Variants in MGAM observed in about 807,000 individuals in gnomAD.
MGAM encodes maltase-glucoamylase, also known as alpha-1,4-glucosidase.
Under a neutral mutation model 358.8 loss-of-function variants are expected in MGAM, and 253 were observed. That is an observed-to-expected ratio of 0.71 (90% confidence interval 0.64 to 0.78). The LOEUF (loss-of-function observed/expected upper bound fraction) is 0.78. Ranked by LOEUF, MGAM falls within the 30% of genes least tolerant of loss-of-function variation. The pLI is 0.00. For missense variants in MGAM, 3,080 were observed against 3,432.6 expected, an observed-to-expected ratio of 0.90 and a Z score of 2.57; for synonymous variants, 1,105 against 1,227.1, an observed-to-expected ratio of 0.90 and a Z score of 2.08.
At chr7:142,076,306 C>T in intron 46 of MGAM, 54 bp downstream of exon 46, 1 of 1,373,146 alleles carries the variant, frequency 7.3e-7, no homozygotes, top group East Asian at 2.3e-5. Flanking sequence ...TGACCATTAG[C>T]ACATCTGTGC....
At chr7:141,993,095 G>GTC (rs1192328986), upstream of MGAM, among the ~76,000 whole-genome samples, 1 of 152,198 alleles carries the variant, frequency 6.6e-6, no homozygotes, top group Non-Finnish European at 1.5e-5. Context: ...TTGATTATCT[G>GTC]TCTATGTCTA....
chr7:142,097,345 A>G (rs1816013987), intron 65 of MGAM, among the ~76,000 whole-genome samples: 1 of 20,284 alleles, frequency 4.9e-5, no homozygotes, highest in South Asian at 2.7e-3. Flanking sequence ...GCAAATAGTG[A>G]ATTTTTTTTT....
At position 142,044,176 on chromosome 7, in the gene MGAM, T is replaced by C. The variant is rs1156365579; in HGVS notation, c.2498+3330T>C. On this transcript the variant is annotated intron_variant, in intron 21 of 70. Coordinates refer to ENST00000475668, the MANE Select transcript of MGAM (RefSeq NM_001365693.1). Reference sequence around the variant, plus strand: ...TACGACGTATAATATATACATTATATACACATACGACATATAATATATAAT... The same window carrying C: ...TACGACGTATAATATATACATTATACACACATACGACATATAATATATAAT... Among the ~76,000 whole-genome samples the C allele has an allele frequency of 2.8e-5, 4 of 142,586 alleles. 1 individual carries two copies. Among genetic ancestry groups the C allele is most frequent in the Non-Finnish European group, 6.1e-5 (4 of 65,472 alleles). 93.5% of individuals were successfully genotyped at this position (142,586 alleles called of 152,430 possible). A position where few individuals can be genotyped will look rare whatever the true frequency, so the allele number is the denominator to read the frequency against.
chr7:142,048,198 G>T (rs1810580688), intron 22 of MGAM, among the ~76,000 whole-genome samples: 1 of 151,120 alleles, frequency 6.6e-6, no homozygotes, highest in Admixed American at 6.6e-5. Flanking sequence ...TGTTGCCCAG[G>T]CTGGAGTGCA....
At position 142,052,923 on chromosome 7, in the gene MGAM, C is replaced by T. The variant is rs560292735; in HGVS notation, c.3098C>T (p.Thr1033Ile). The T allele has an allele frequency of 2.5e-6, 4 of 1,613,914 alleles. No homozygotes were observed. In the South Asian group the frequency reaches 3.3e-5, roughly 13 times the overall value. ...SSVYANAFPSTPVNPLRLDVT... is the reference protein window; with the variant it reads ...SSVYANAFPSIPVNPLRLDVT... ...GTTTATGCCAATGCCTTCCCCTCCA[C>T]ACCCGTGAACCCCCTTCGCCTGGAT... The change falls in exon 26 of 71, where the codon ACA (threonine) becomes ATA (isoleucine). Residue 1033 changes from threonine (T) to isoleucine (I), a missense_variant. By Grantham distance (89) the Thr-to-Ile change is moderately conservative. Around this residue, in one of 5 missense-constraint regions of MGAM, gnomAD observed 1,816 missense variants for 1,840.5 expected, o/e 0.99. Coordinates refer to ENST00000475668, the MANE Select transcript of MGAM (RefSeq NM_001365693.1).
At chr7:142,084,922 C>G (rs1790011149) in intron 54 of MGAM, among the ~76,000 whole-genome samples, 1 of 146,512 alleles carries the variant, frequency 6.8e-6, no homozygotes, top group Admixed American at 6.8e-5. Context: ...ATTTCTTTCA[C>G]ATGACTTCAA....
rs782454594 is a variant in MGAM at position 142,025,073 on chromosome 7, G to A, written c.906G>A (p.Ala302=). 3.3e-5 allele frequency: 53 copies of A among 1,613,448 alleles called. No individual in the cohort carries two copies. Among genetic ancestry groups the A allele is most frequent in the Middle Eastern group, 1.6e-4 (1 of 6,080 alleles). The change falls in exon 8 of 71, where the codon GCG becomes GCA. Residue 302 remains alanine (A), a synonymous_variant. Transcript: ENST00000475668. The part of the protein sequence containing the change: ...PNGNGTNLYG[A]QTFFLCLEDA... ...AGAACGGAACTAATTTGTATGGTGCGCAGACATTCTTCTTGTGCCTTGAAG... is the reference window on the plus strand; with the variant it reads ...AGAACGGAACTAATTTGTATGGTGCACAGACATTCTTCTTGTGCCTTGAAG...
chr7:142,095,578 T>C lies in MGAM; in HGVS notation c.7472T>C (p.Val2491Ala), dbSNP rs1469799332. 1.9e-6 allele frequency: 3 copies of C among 1,613,576 alleles called. No individual in the cohort carries two copies. Among genetic ancestry groups the C allele is most frequent in the Admixed American group, 1.7e-5 (1 of 60,024 alleles). ...NTIGTRRQDP[V>A]SWDVAFVNIS... Reference sequence around the variant, plus strand: ...TTTCTCCTTTAGAGACAAGACCCTGTGTCCTGGGATGTTGCTTTTGTGAAT... The same window carrying C: ...TTTCTCCTTTAGAGACAAGACCCTGCGTCCTGGGATGTTGCTTTTGTGAAT... Residue 2491 changes from valine (V) to alanine (A), a missense_variant, in exon 64 of 71, where the codon GTG becomes GCG. By Grantham distance (64) the Val-to-Ala change is moderately conservative. Coordinates refer to ENST00000475668, the MANE Select transcript of MGAM (RefSeq NM_001365693.1).
chr7:142,076,102 C>T (rs1813710304), intron 45 of MGAM, 101 bp from the exon 46 acceptor site: 1 of 901,006 alleles, frequency 1.1e-6, no homozygotes, highest in African/African-American at 1.6e-5. Context: ...GAAATACTGC[C>T]ATTTGTGACA....
intron 3 of MGAM, 68 bp downstream of exon 3, chr7:142,008,773 T>G: frequency 6.5e-7 from 1 of 1,536,138 alleles, no homozygotes. Context: ...TTTTTTGTTG[T>G]TTTGTTTTGG....
chr7:142,081,740 C>T (rs1814313848), intron 50 of MGAM, among the ~76,000 whole-genome samples: 1 of 145,256 alleles, frequency 6.9e-6, no homozygotes, highest in African/African-American at 2.4e-5. Context: ...CTGAGGGGTG[C>T]AAGGGTGGAA....
In MGAM at chr7:142,038,103, A is replaced by G. The variant is rs997012827; in HGVS notation, c.2232-428A>G. Among the ~76,000 whole-genome samples the G allele has an allele frequency of 3.3e-5, 5 of 152,060 alleles. No homozygotes were observed. The South Asian group carries it at 8.3e-4, about 25-fold the overall frequency. On this transcript the variant is annotated intron_variant, in intron 18 of 70. Transcript: ENST00000475668. ...AACCGTCCTTCTACTCTCTGTGTCC[A>G]TAAGTTCTTGGCTTTTAGATCCCAC...
At chr7:142,103,243 TTTTTC>T in intron 69 of MGAM, 21 bp from the exon 70 acceptor site, 1 of 1,536,584 alleles carries the variant, frequency 6.5e-7, no homozygotes, top group South Asian at 1.3e-5. Context: ...TGCTATTATA[TTTTTC>T]TTTTATCTCC....
chr7:142,068,540 G>T, intron 42 of MGAM, 107 bp from the exon 43 acceptor site: 1 of 898,776 alleles, frequency 1.1e-6, no homozygotes, highest in East Asian at 2.6e-5. Context: ...ACATGAGGCA[G>T]CTGGGTCCAA....
chr7:142,036,704 C>T, intron 17 of MGAM, 119 bp from the exon 18 acceptor site: 2 of 1,139,858 alleles, frequency 1.8e-6, no homozygotes, highest in East Asian at 4.7e-5. Context: ...GGTTTGCAAC[C>T]TTGGCCTCTG....
In MGAM at chr7:142,096,415, T is replaced by C. The variant is rs199885850; in HGVS notation, c.7692T>C (p.Arg2564=). The C allele has an allele frequency of 2.3e-4, 366 of 1,612,136 alleles. 2 individuals carry two copies. In the East Asian group the frequency reaches 4.3e-3, roughly 19 times the overall value. The change falls in exon 65 of 71, where the codon CGT becomes CGC. Residue 2564 remains arginine (R), a splice_region_variant and synonymous_variant. Transcript: ENST00000475668. ...TCCTGGTCAGCCCTGTCCTGGAGCG[T>C]GTGAGTATGGAGGCCTCCGATGAGG... ...PAFLVSPVLE[R]NARNVTAYFP...
chr7:142,052,168 T>G, intron 24 of MGAM, 126 bp from the exon 25 acceptor site: 2 of 792,548 alleles, frequency 2.5e-6, no homozygotes, highest in South Asian at 1.9e-5. Context: ...GCTAAAGTCA[T>G]ATGTTGCTTG....
In MGAM at chr7:142,094,739, T is replaced by C. The variant is rs1382255007; in HGVS notation, c.7342-8T>C. 7.4e-6 allele frequency: 12 copies of C among 1,613,682 alleles called. No homozygotes were observed. Among genetic ancestry groups the C allele is most frequent in the Non-Finnish European group, 1.0e-5 (12 of 1,179,826 alleles). ...TCAGCAGGCTCCTTTTATTTCCTCT[T>C]GTTTCAGACGGGAGCAGATATCTGT... On this transcript the variant is annotated splice_region_variant and splice_polypyrimidine_tract_variant and intron_variant, in intron 62 of 70. Coordinates refer to ENST00000475668, the MANE Select transcript of MGAM (RefSeq NM_001365693.1).
chr7:142,005,347 G>A (rs917872900), intron 1 of MGAM, among the ~76,000 whole-genome samples, 182 bp from the exon 2 acceptor site: 2 of 152,054 alleles, frequency 1.3e-5, no homozygotes, highest in African/African-American at 4.8e-5. Flanking sequence ...AGGGAGAAAA[G>A]TGGACCAGAA....
Sources: allele counts gnomAD v4.1 joint callset (sites outside exome capture counted in the v4.1 genomes callset), GRCh38; gene constraint gnomAD v4.1.1; regional missense constraint gnomAD v4.1.1; transcripts MANE v1.5; gene names NCBI Gene and HGNC (gene_info 2026-07-23, HGNC 2026-07-21).